Variants in DMBT1 observed in about 807,000 individuals in gnomAD.
DMBT1 encodes the protein deleted in malignant brain tumors 1.
Under a neutral mutation model 252.9 loss-of-function variants are expected in DMBT1, and 198 were observed. That is an observed-to-expected ratio of 0.78 (90% CI 0.70 to 0.88). The LOEUF (loss-of-function observed/expected upper bound fraction) is 0.88, where lower values mean the gene tolerates loss of function less well. Ranked by LOEUF, DMBT1 falls within the 40% of genes least tolerant of loss-of-function variation. The pLI is 0.00. For missense variants in DMBT1, 2,432 were observed against 2,404.7 expected (o/e 1.01, Z -0.24); for synonymous variants, 990 against 942.7 (o/e 1.05, Z -0.92).
At position 122,578,735 on chromosome 10, in the gene DMBT1, A is replaced by C. The variant is rs1185586113; in HGVS notation, c.655A>C (p.Ile219Leu). 6 of 1,609,442 alleles carry C rather than the reference A, an allele frequency of 3.7e-6. 1 individual carries two copies. The South Asian group carries it at 6.7e-5, about 18-fold the overall frequency. The change falls in exon 9 of 56, where the codon ATA becomes CTA. Residue 219 changes from isoleucine (I) to leucine (L), a missense_variant. Physicochemically the swap from Ile to Leu is conservative, Grantham distance 5. This residue lies in a region of DMBT1 where 1,264 missense variants were observed against 1,082.2 expected (regional missense o/e 1.17). Transcript: ENST00000338354. ...TLRPESWPVRISPPVPTEGSE... is the reference protein window; with the variant it reads ...TLRPESWPVRLSPPVPTEGSE... ...GTTTACAGAAAGTTGGCCTGTCAGGATATCACCACCTGTACCCACAGAAGG... is the reference window on the plus strand; with the variant it reads ...GTTTACAGAAAGTTGGCCTGTCAGGCTATCACCACCTGTACCCACAGAAGG...
chr10:122,634,430 T>TTCTCTCTCTCTCTCTC (rs764559052), intron 52 of DMBT1, among the ~76,000 whole-genome samples: 6 of 74,250 alleles, frequency 8.1e-5, no homozygotes, highest in Admixed American at 5.0e-4. Flanking sequence ...TCTCTCTCTC[T>TTCTCTCTCTCTCTCTC]TCTCTCTCTC....
intron 44 of DMBT1, among the ~76,000 whole-genome samples, chr10:122,623,466 TG>T (rs1188791257): frequency 1.3e-5 from 2 of 152,234 alleles, no homozygotes; most frequent in Non-Finnish European, 2.9e-5. Flanking sequence ...TTTAATTTAT[TG>T]TGGAAACACT....
chr10:122,598,872 G>C lies in DMBT1; in HGVS notation c.3055G>C (p.Asp1019His), dbSNP rs773492969. 2.5e-6 allele frequency: 4 copies of C among 1,613,726 alleles called. No individual in the cohort carries two copies. The highest frequency in any genetic ancestry group is 1.1e-5 in the South Asian group (1 of 91,080). The change falls in exon 26 of 56, where the codon GAT becomes CAT. Residue 1019 changes from aspartate to histidine, a missense_variant. Around this residue, in one of 3 missense-constraint regions of DMBT1, gnomAD observed 1,264 missense variants for 1,082.2 expected, o/e 1.17. Coordinates refer to ENST00000338354, the MANE Select transcript of DMBT1 (RefSeq NM_001377530.1). ...CCAAGGCTCCTGGGGCACCGTGTGC[G>C]ATGACAGCTGGGACACCAATGATGC... is the stretch of plus-strand genomic sequence containing the variant. Reference protein sequence around the residue: ...LYQGSWGTVCDDSWDTNDANV... With the variant: ...LYQGSWGTVCHDSWDTNDANV...
At chr10:122,576,777 C>A in intron 7 of DMBT1, 55 bp downstream of exon 7, 1 of 1,604,398 alleles carries the variant, frequency 6.2e-7, no homozygotes, top group Non-Finnish European at 8.5e-7. Flanking sequence ...CTTTAATCCC[C>A]ACACTTTGGG....
rs754071848 is a variant in DMBT1 at position 122,636,067 on chromosome 10, G to A, written c.6625G>A (p.Val2209Ile). 1.9e-6 allele frequency: 3 copies of A among 1,614,000 alleles called. No individual in the cohort carries two copies. Among genetic ancestry groups the A allele is most frequent in the Non-Finnish European group, 1.7e-6 (2 of 1,179,888 alleles). The stretch of plus-strand genomic sequence containing the variant: ...CCGCAGTTCCCCTCTCATTGCTCGA[G>A]TTTGTGATGGGGCCAGAGGCTCCTT... ...PYRSSPLIAR[V>I]CDGARGSFTS... is the part of the protein sequence containing the mutation. Residue 2209 changes from valine (V) to isoleucine (I), a missense_variant, in exon 53 of 56, where the codon GTT (valine) becomes ATT (isoleucine). Val to Ile is a conservative substitution (Grantham distance 29, BLOSUM62 3). Around this residue, in one of 3 missense-constraint regions of DMBT1, gnomAD observed 1,162 missense variants for 1,169.0 expected, o/e 0.99. Coordinates refer to ENST00000338354, the MANE Select transcript of DMBT1 (RefSeq NM_001377530.1).
At chr10:122,625,563 G>T (rs950858283) in intron 45 of DMBT1, among the ~76,000 whole-genome samples, 6 of 152,218 alleles carry the variant, frequency 3.9e-5, no homozygotes, top group African/African-American at 1.4e-4. Flanking sequence ...GTGGAAGGAG[G>T]CTTTGGTCCT....
At chr10:122,576,311 C>A in intron 6 of DMBT1, 88 bp from the exon 7 acceptor site, 10 of 1,529,644 alleles carry the variant, frequency 6.5e-6, no homozygotes, top group Non-Finnish European at 8.0e-6. Context: ...AGATATCTGC[C>A]TATGGGGAAG....
chr10:122,578,985 G>A (rs1209164662), intron 9 of DMBT1, among the ~76,000 whole-genome samples: 1 of 152,132 alleles, frequency 6.6e-6, no homozygotes, highest in Non-Finnish European at 1.5e-5. Flanking sequence ...ATGATAGGAT[G>A]AGGCTCAAGG....
At chr10:122,625,191 A>G in intron 44 of DMBT1, 86 bp from the exon 45 acceptor site, 2 of 1,310,374 alleles carry the variant, frequency 1.5e-6, no homozygotes, top group Non-Finnish European at 2.2e-6. Context: ...TTTCTAAGTG[A>G]TGAGATGGGG....
Position 122,618,057 on chromosome 10 carries a change from T to C in DMBT1, c.4932T>C (p.Gly1644=), listed in dbSNP as rs756072716. The stretch of plus-strand genomic sequence containing the variant: ...TGGCCCTGAGACTGGTGAATGGAGG[T>C]GACAGGTGTCGAGGCCGAGTGGAGG... The part of the protein sequence containing the change: ...STLALRLVNG[G]DRCRGRVEVL... Residue 1644 remains glycine, a synonymous_variant, in exon 41 of 56, where the codon GGT becomes GGC. Transcript: ENST00000338354. The C allele has an allele frequency of 6.2e-7, 1 of 1,613,440 alleles. No homozygotes were observed. Among genetic ancestry groups the C allele is most frequent in the East Asian group, 2.2e-5 (1 of 44,846 alleles).
At chr10:122,624,166 G>T (rs1477533581) in intron 44 of DMBT1, among the ~76,000 whole-genome samples, 1 of 152,144 alleles carries the variant, frequency 6.6e-6, no homozygotes, top group Admixed American at 6.5e-5. Flanking sequence ...GGTCTCGGTT[G>T]CATCCTGCTG....
At chr10:122,634,360 C>CTTTCTT (rs1555029940) in intron 52 of DMBT1, among the ~76,000 whole-genome samples, 2 of 105,726 alleles carry the variant, frequency 1.9e-5, no homozygotes, top group African/African-American at 4.0e-5. Flanking sequence ...TTCTTTCTTT[C>CTTTCTT]TTTCTTTCTT....
chr10:122,601,114 C>G, intron 28 of DMBT1, 91 bp downstream of exon 28: 1 of 522,378 alleles, frequency 1.9e-6, no homozygotes, highest in Admixed American at 4.0e-5. Flanking sequence ...AGGTGGGCCC[C>G]TCTTTTTTCA....
At chr10:122,630,157 T>C (rs1015288415) in intron 47 of DMBT1, 131 bp from the exon 48 acceptor site, 3 of 1,335,718 alleles carry the variant, frequency 2.2e-6, no homozygotes, top group African/African-American at 1.5e-5. Flanking sequence ...CTGATGTCCT[T>C]TGACTTAATT....
In DMBT1 at chr10:122,570,670, G is replaced by C. The variant is rs1226512532; in HGVS notation, c.140-220G>C. Among the ~76,000 whole-genome samples, 3 of 152,290 alleles carry C rather than the reference G, an allele frequency of 2.0e-5. No individual in the cohort carries two copies. In the South Asian group the frequency reaches 6.2e-4, roughly 32 times the overall value. On this transcript the variant is annotated intron_variant, in intron 3 of 55. Coordinates refer to ENST00000338354, the MANE Select transcript of DMBT1 (RefSeq NM_001377530.1). Reference sequence around the variant, plus strand: ...AGAGGCTGTGGCAGCAGAAGAGGTTGGGGGAGGGTAAGTAGAGCAAAGGAT... The same window carrying C: ...AGAGGCTGTGGCAGCAGAAGAGGTTCGGGGAGGGTAAGTAGAGCAAAGGAT...
At chr10:122,633,545 G>GA (rs1270472909) in intron 52 of DMBT1, among the ~76,000 whole-genome samples, 2 of 152,200 alleles carry the variant, frequency 1.3e-5, no homozygotes, top group Admixed American at 6.5e-5. Context: ...GAGAGTTGGG[G>GA]AGGGGGCACG....
intron 1 of DMBT1, among the ~76,000 whole-genome samples, chr10:122,562,202 CT>C (rs944213856): frequency 6.6e-6 from 1 of 151,412 alleles, no homozygotes; most frequent in Non-Finnish European, 1.5e-5. Context: ...TTCCTACTGC[CT>C]TTTTTTTCTT....
Position 122,565,989 on chromosome 10 carries a change from A to C in DMBT1, c.84A>C (p.Thr28=), listed in dbSNP as rs1180358030. 3.7e-6 allele frequency: 6 copies of C among 1,613,884 alleles called. No individual in the cohort carries two copies. The highest frequency in any genetic ancestry group is 5.1e-6 in the Non-Finnish European group (6 of 1,179,868). Residue 28 remains threonine (T), a synonymous_variant, in exon 2 of 56, where the codon ACA becomes ACC. Coordinates refer to ENST00000338354, the MANE Select transcript of DMBT1 (RefSeq NM_001377530.1). ...CAGGTGGGTGGATCCCAAGGACTAC[A>C]GACTACGGTAAGACCTTTTCTTCAC... ...LSTGGWIPRT[T]DYASLIPSEV...
intron 42 of DMBT1, 64 bp from the exon 43 acceptor site, chr10:122,620,189 T>C: frequency 6.8e-7 from 1 of 1,461,654 alleles, no homozygotes; most frequent in Non-Finnish European, 9.5e-7. Flanking sequence ...GGTTCAGAGA[T>C]TTTTTTTTGT....
Sources: gnomAD v4.1 joint callset for allele counts (sites outside exome capture counted in the v4.1 genomes callset) on GRCh38, gnomAD v4.1.1 for gene constraint, gnomAD v4.1.1 regional missense constraint, MANE v1.5 for transcripts, NCBI Gene and HGNC (gene_info 2026-07-23, HGNC 2026-07-21) for gene names.